EPN2: variants seen among roughly 807,000 people sequenced by gnomAD.
EPN2 encodes the protein epsin-2.
In EPN2, 34 loss-of-function variants were observed where a neutral mutation model predicts 61.7. The ratio of observed to expected loss-of-function variants is 0.55; its 90% CI spans 0.42 to 0.73. The LOEUF is 0.73. EPN2 is among the 30% of genes least tolerant of loss of function. The pLI is 0.00. For missense variants in EPN2, 714 were observed against 839.2 expected (o/e 0.85, Z 1.84); for synonymous variants, 349 against 353.6 (o/e 0.99, Z 0.15).
chr17:19,293,293 T>G (rs1170294982), intron 4 of EPN2, among the ~76,000 whole-genome samples: 1 of 151,430 alleles, frequency 6.6e-6, no homozygotes, highest in African/African-American at 2.4e-5. Flanking sequence ...GGTGGGAGAT[T>G]CGCTTGAACC....
At position 19,283,089 on chromosome 17, in the gene EPN2, G is replaced by A. The variant is rs867001710; in HGVS notation, c.-31G>A. On this transcript the variant is annotated 5_prime_UTR_variant, in exon 3 of 11. Coordinates refer to ENST00000314728, the MANE Select transcript of EPN2 (RefSeq NM_014964.5). This position sits in a 1 kb window ranked among gnomAD's most constrained non-coding sequence, Gnocchi z 7.0. ...GGACAGGAAGGTTTCTCTGTTTGAA[G>A]GGCTTTAAACTTATAACAAAGAAAA... The A allele has an allele frequency of 2.6e-6, 4 of 1,543,192 alleles. No homozygotes were observed. In the Middle Eastern group the frequency reaches 5.2e-4, roughly 200 times the overall value.
intron 1 of EPN2, among the ~76,000 whole-genome samples, chr17:19,259,457 C>T (rs139188049): frequency 0.074 from 11,170 of 151,860 alleles, 1,408 homozygotes; most frequent in African/African-American, 0.25. Flanking sequence ...GCACTACAGG[C>T]GCCTGCCACC....
At chr17:19,293,169 A>G (rs2045481359) in intron 4 of EPN2, among the ~76,000 whole-genome samples, 1 of 152,036 alleles carries the variant, frequency 6.6e-6, no homozygotes, top group Admixed American at 6.6e-5. Context: ...ACCTGAGGCC[A>G]GGAGTTCGAG....
At chr17:19,249,898 T>C (rs1258788928) in intron 1 of EPN2, among the ~76,000 whole-genome samples, 8 of 152,104 alleles carry the variant, frequency 5.3e-5, no homozygotes, top group Non-Finnish European at 1.0e-4. Flanking sequence ...TCCAACTTCT[T>C]GAGGCCTTTT....
At position 19,283,715 on chromosome 17, in the gene EPN2, G is replaced by A; in HGVS notation, c.595+1G>A. The A allele has an allele frequency of 1.3e-6, 2 of 1,572,430 alleles. No homozygotes were observed. Among genetic ancestry groups the A allele is most frequent in the Non-Finnish European group, 1.7e-6 (2 of 1,160,018 alleles). ...GGCTCCCCGGCCTCCTACCATGGCTGTGAGTAATGGAAGTGCTTCTCACCC... is the reference window on the plus strand; with the variant it reads ...GGCTCCCCGGCCTCCTACCATGGCTATGAGTAATGGAAGTGCTTCTCACCC... On this transcript the variant is annotated splice_donor_variant, in intron 3 of 10. Coordinates refer to ENST00000314728, the MANE Select transcript of EPN2 (RefSeq NM_014964.5). LOFTEE classifies it high-confidence loss of function. This position sits in a 1 kb window ranked among gnomAD's most constrained non-coding sequence, Gnocchi z 7.0.
At chr17:19,300,570 A>T (rs1905439377) in intron 4 of EPN2, among the ~76,000 whole-genome samples, 1 of 151,674 alleles carries the variant, frequency 6.6e-6, no homozygotes, top group East Asian at 1.9e-4. Flanking sequence ...CTGGGATTAC[A>T]GGCGCCTGTC....
At chr17:19,273,726 T>C (rs190483638) in intron 1 of EPN2, among the ~76,000 whole-genome samples, 6 of 152,336 alleles carry the variant, frequency 3.9e-5, no homozygotes, top group Admixed American at 2.6e-4. Flanking sequence ...CACTTTCAGT[T>C]AGTGAAGATG....
At chr17:19,274,588 G>A (rs1334065252) in intron 1 of EPN2, among the ~76,000 whole-genome samples, 1 of 152,142 alleles carries the variant, frequency 6.6e-6, no homozygotes, top group Non-Finnish European at 1.5e-5. Flanking sequence ...GCTCCCCATA[G>A]TTTCCTTAGG....
intron 7 of EPN2, 125 bp from the exon 8 acceptor site, chr17:19,328,586 G>A (rs1907006846): frequency 3.3e-6 from 3 of 912,254 alleles, no homozygotes; most frequent in South Asian, 2.1e-5. Flanking sequence ...GTACCCTTTT[G>A]ATGGCTGTCT....
chr17:19,262,361 C>T (rs539266472), intron 1 of EPN2, among the ~76,000 whole-genome samples: 1 of 152,036 alleles, frequency 6.6e-6, no homozygotes, highest in Non-Finnish European at 1.5e-5. Flanking sequence ...GCCTGTAATC[C>T]CAGCTACTTA....
rs531704557 is a variant in EPN2, at chr17:19,335,818, AC to A, written c.*1566del. On this transcript the variant is annotated 3_prime_UTR_variant, in exon 11 of 11. Coordinates refer to ENST00000314728, the MANE Select transcript of EPN2 (RefSeq NM_014964.5). ...AACTCCTACTGTCCTCACCTCACCC[AC>A]CACTGTAAAAGTATTACGTCGTGCA... 35 of 193,806 alleles carry A rather than the reference AC, an allele frequency of 1.8e-4. No individual in the cohort carries two copies. The highest frequency in any genetic ancestry group is 1.5e-3 in the Admixed American group (25 of 16,884). 12.0% of individuals were successfully genotyped at this position (193,806 alleles called of 1,614,324 possible). A position where few individuals can be genotyped will look rare whatever the true frequency, so the allele number is the denominator to read the frequency against.
rs1334395051 is a variant in EPN2 at position 19,334,905 on chromosome 17, A to G, written c.*651A>G. Reference sequence around the variant, plus strand: ...CATATTTGAGTTTGCAGAATTATCTAATAGTCTTTTTTTGGCTAATATTTT... The same window carrying G: ...CATATTTGAGTTTGCAGAATTATCTGATAGTCTTTTTTTGGCTAATATTTT... On this transcript the variant is annotated 3_prime_UTR_variant, in exon 11 of 11. Transcript: ENST00000314728. This position sits in a 1 kb window ranked among gnomAD's most constrained non-coding sequence, Gnocchi z 4.9. 1 of 154,136 alleles carries G rather than the reference A, an allele frequency of 6.5e-6. No individual in the cohort carries two copies. Among genetic ancestry groups the G allele is most frequent in the South Asian group, 2.0e-4 (1 of 4,942 alleles). The allele number at this position is 154,136 out of a possible 1,614,324, so 9.5% of individuals were successfully genotyped here. A position where few individuals can be genotyped will look rare whatever the true frequency, so the allele number is the denominator to read the frequency against.
At chr17:19,315,803 G>A in intron 7 of EPN2, among the ~76,000 whole-genome samples, 1 of 152,186 alleles carries the variant, frequency 6.6e-6, no homozygotes, top group Non-Finnish European at 1.5e-5. Context: ...CCATTTTAAA[G>A]CGGACACTTC....
At chr17:19,255,273 G>GT (rs2045061931) in intron 1 of EPN2, among the ~76,000 whole-genome samples, 1 of 151,986 alleles carries the variant, frequency 6.6e-6, no homozygotes, top group Non-Finnish European at 1.5e-5. Context: ...AATCTGGTTT[G>GT]TTTTTTATCT....
At chr17:19,318,480 G>A in intron 7 of EPN2, among the ~76,000 whole-genome samples, 1 of 136,508 alleles carries the variant, frequency 7.3e-6, no homozygotes, top group African/African-American at 2.7e-5. Context: ...AACCCGGGAG[G>A]CGGAGGTTGC....
At chr17:19,313,473 T>G in intron 7 of EPN2, 194 bp downstream of exon 7, 1 of 447,884 alleles carries the variant, frequency 2.2e-6, no homozygotes, top group South Asian at 6.3e-5. Flanking sequence ...GTTCCCTCTT[T>G]GTTTTGAGTG....
chr17:19,281,626 G>A (rs528552056), intron 1 of EPN2, among the ~76,000 whole-genome samples: 6 of 152,116 alleles, frequency 3.9e-5, no homozygotes, highest in African/African-American at 1.4e-4. Flanking sequence ...AAAGGGAGGC[G>A]CAGGTTCTGG....
rs537288587 is a variant in EPN2 at position 19,275,569 on chromosome 17, T to C, written c.-293-6386T>C. 3.3e-5 allele frequency among the ~76,000 whole-genome samples: 5 copies of C among 152,350 alleles called. No homozygotes were observed. The South Asian group carries it at 1.0e-3, about 32-fold the overall frequency. ...GTTTTAGGAACCATCCAGAGGGGTC[T>C]ACAGGTGGTCCAGTCTGGATTCTTA... is the stretch of plus-strand genomic sequence containing the variant. On this transcript the variant is annotated intron_variant, in intron 1 of 10. Coordinates refer to ENST00000314728, the MANE Select transcript of EPN2 (RefSeq NM_014964.5).
intron 7 of EPN2, 39 bp from the exon 8 acceptor site, chr17:19,328,672 C>G: frequency 1.3e-6 from 2 of 1,561,206 alleles, no homozygotes; most frequent in Non-Finnish European, 1.7e-6. Context: ...CCCAGACCCT[C>G]TGAAGGCATT....
Sources: allele counts gnomAD v4.1 joint callset (sites outside exome capture counted in the v4.1 genomes callset), GRCh38; gene constraint gnomAD v4.1.1; non-coding constraint Gnocchi (gnomAD v3.1); transcripts MANE v1.5; gene names NCBI Gene and HGNC (gene_info 2026-07-23, HGNC 2026-07-21).